TBCD: variants seen among roughly 807,000 people sequenced by gnomAD.
TBCD encodes the protein tubulin folding cofactor D.
In TBCD, 105 loss-of-function variants were observed where a neutral mutation model predicts 169.3. The observed-to-expected ratio is 0.62, with a 90% CI of 0.53 to 0.73. The LOEUF (loss-of-function observed/expected upper bound fraction) is 0.73. Ranked by LOEUF, TBCD falls within the 30% of genes least tolerant of loss-of-function variation. The probability of loss-of-function intolerance (pLI) is 0.00; values close to 1 mark genes in which losing one functional copy is unlikely to be tolerated. For synonymous variants in TBCD, 700 were observed against 643.9 expected, an observed-to-expected ratio of 1.09 and a Z score of -1.32; for missense variants, 1,444 against 1,600.1, an observed-to-expected ratio of 0.90 and a Z score of 1.66.
chr17:82,815,034 T>C, intron 13 of TBCD, 100 bp downstream of exon 13: 2 of 1,550,226 alleles, frequency 1.3e-6, no homozygotes, highest in East Asian at 2.3e-5. Flanking sequence ...GGTGAGTAGC[T>C]GAAGCACGGT....
intron 6 of TBCD, among the ~76,000 whole-genome samples, chr17:82,778,640 T>G (rs2144229723): frequency 6.6e-6 from 1 of 151,400 alleles, no homozygotes; most frequent in African/African-American, 2.4e-5. Flanking sequence ...TTTTTCTTTT[T>G]TTTTTTTTGA....
rs2062124052 is a variant in TBCD at position 82,930,690 on chromosome 17, C to T, written c.3113+47C>T. ...CTCAGAGGCGTGAGTGGTGCTGGTG[C>T]CTCTCACCACGTTCCCACAGATTCC... On this transcript the variant is annotated intron_variant, in intron 33 of 38. Transcript: ENST00000355528. The surrounding 1 kb of genome is among the most constrained non-coding windows in gnomAD (Gnocchi z 5.2). 1.2e-6 allele frequency: 2 copies of T among 1,611,864 alleles called. No homozygotes were observed. The highest frequency in any genetic ancestry group is 1.3e-5 in the African/African-American group (1 of 75,000).
chr17:82,844,416 G>T (rs890719977), intron 13 of TBCD, among the ~76,000 whole-genome samples: 2 of 152,038 alleles, frequency 1.3e-5, no homozygotes, highest in African/African-American at 4.8e-5. Context: ...GAGCACCTCG[G>T]AGAGTCAGCC....
intron 13 of TBCD, among the ~76,000 whole-genome samples, chr17:82,818,707 T>C (rs1456494238): frequency 6.6e-6 from 1 of 152,276 alleles, no homozygotes; most frequent in African/African-American, 2.4e-5. Flanking sequence ...GTCACACGGC[T>C]GAGCTGTCCC....
intron 13 of TBCD, chr17:82,840,515 C>T (rs1050312377): frequency 3.9e-5 from 6 of 152,288 alleles, no homozygotes; most frequent in African/African-American, 9.6e-5. Flanking sequence ...ACCCTCTACC[C>T]TGCTCCTGAG....
At chr17:82,816,137 A>G (rs570596729) in intron 13 of TBCD, among the ~76,000 whole-genome samples, 1 of 152,186 alleles carries the variant, frequency 6.6e-6, no homozygotes, top group South Asian at 2.1e-4. Context: ...GACATTTCCT[A>G]ACAGTGGAAC....
chr17:82,797,945 G>T, intron 8 of TBCD, 143 bp downstream of exon 8: 1 of 307,068 alleles, frequency 3.3e-6, no homozygotes, highest in Non-Finnish European at 5.5e-6. Context: ...TTTTTGTTGT[G>T]GGTTTTAGTA....
At chr17:82,780,187 C>T (rs980416914) in intron 6 of TBCD, among the ~76,000 whole-genome samples, 1 of 152,094 alleles carries the variant, frequency 6.6e-6, no homozygotes, top group Non-Finnish European at 1.5e-5. Flanking sequence ...CCCTGGCTCT[C>T]CTGCTTCCCT....
Position 82,805,960 on chromosome 17 carries a change from G to A in TBCD, c.1036G>A (p.Glu346Lys), listed in dbSNP as rs770270338. 3.1e-6 allele frequency: 5 copies of A among 1,613,502 alleles called. No homozygotes were observed. The highest frequency in any genetic ancestry group is 4.5e-5 in the East Asian group (2 of 44,872). ...TGAGCAGAAGCCACTCATCCTGACC[G>A]AAGATGACGACGAAGATGACGACGT... ...QSEQKPLILT[E>K]DDDEDDDVPE... The change falls in exon 10 of 39, where the codon GAA becomes AAA. Residue 346 changes from glutamate (E) to lysine (K), a missense_variant. Glu to Lys is a moderately conservative substitution (Grantham distance 56). Coordinates refer to ENST00000355528, the MANE Select transcript of TBCD (RefSeq NM_005993.5).
intron 13 of TBCD, among the ~76,000 whole-genome samples, chr17:82,855,180 GT>G (rs1430863311): frequency 6.7e-6 from 1 of 148,340 alleles, no homozygotes; most frequent in African/African-American, 2.5e-5. Flanking sequence ...ACCCTATGCG[GT>G]GCCACCTGAT....
chr17:82,931,258 A>G (rs950140142), intron 33 of TBCD, among the ~76,000 whole-genome samples: 1 of 152,234 alleles, frequency 6.6e-6, no homozygotes, highest in Non-Finnish European at 1.5e-5. Context: ...CTCGGCAAAC[A>G]GGAACTCGGC....
chr17:82,753,808 A>T (rs1189634905), intron 1 of TBCD, among the ~76,000 whole-genome samples: 1 of 149,336 alleles, frequency 6.7e-6, no homozygotes, highest in African/African-American at 2.5e-5. Flanking sequence ...AGGGCAGGGG[A>T]GTTGCCATGG....
intron 7 of TBCD, among the ~76,000 whole-genome samples, chr17:82,793,539 G>A (rs912039374): frequency 1.3e-5 from 2 of 152,282 alleles, no homozygotes; most frequent in South Asian, 2.1e-4. Flanking sequence ...GGGGAGCCTC[G>A]AGCGTACCAG....
At chr17:82,883,086 C>T (rs1408326412) in intron 14 of TBCD, among the ~76,000 whole-genome samples, 4 of 152,204 alleles carry the variant, frequency 2.6e-5, no homozygotes, top group East Asian at 1.9e-4. Flanking sequence ...GGTGAGAGGA[C>T]GCACACCTGG....
chr17:82,826,520 A>G (rs987312642), intron 13 of TBCD, among the ~76,000 whole-genome samples: 2 of 151,804 alleles, frequency 1.3e-5, no homozygotes, highest in African/African-American at 2.4e-5. Context: ...GGCTCAAGCA[A>G]TCCTCCTGCC....
At chr17:82,875,038 G>C (rs1461399254) in intron 14 of TBCD, among the ~76,000 whole-genome samples, 1 of 152,232 alleles carries the variant, frequency 6.6e-6, no homozygotes, top group African/African-American at 2.4e-5. Flanking sequence ...TGGCTCTTCT[G>C]AGAGTCAGTT....
At chr17:82,801,077 G>A in intron 9 of TBCD, 81 bp downstream of exon 9, 2 of 1,430,586 alleles carry the variant, frequency 1.4e-6, no homozygotes, top group East Asian at 2.7e-5. Context: ...CATTGATGAG[G>A]GCGGGGCAGG....
At chr17:82,865,495 C>T in intron 13 of TBCD, 1 of 985,472 alleles carries the variant, frequency 1.0e-6, no homozygotes, top group Middle Eastern at 5.2e-4. Context: ...GCCCACGTTT[C>T]CACGCCTTCC....
chr17:82,808,181 C>T (rs1454694356), intron 11 of TBCD, among the ~76,000 whole-genome samples: 2 of 152,156 alleles, frequency 1.3e-5, no homozygotes, highest in African/African-American at 4.8e-5. Flanking sequence ...CAGGTGGAGC[C>T]CTGGCCTGGA....
Sources: gnomAD v4.1 joint callset for allele counts (sites outside exome capture counted in the v4.1 genomes callset) on GRCh38, gnomAD v4.1.1 for gene constraint, Gnocchi (gnomAD v3.1) non-coding constraint, MANE v1.5 for transcripts, NCBI Gene and HGNC (gene_info 2026-07-23, HGNC 2026-07-21) for gene names.